Variants in SLC12A7 observed in about 807,000 individuals in gnomAD.
The protein encoded by SLC12A7 is K-Cl cotransporter 4.
In SLC12A7, 100 loss-of-function variants were observed where a neutral mutation model predicts 120.6. The observed-to-expected ratio is 0.83, with a 90% CI of 0.71 to 0.98. The LOEUF is 0.98. Ranked by LOEUF, SLC12A7 falls within the 50% of genes least tolerant of loss-of-function variation. The pLI is 0.00. For synonymous variants in SLC12A7, 760 were observed against 678.0 expected, an observed-to-expected ratio of 1.12 and a Z score of -1.88; for missense variants, 1,373 against 1,548.1, an observed-to-expected ratio of 0.89 and a Z score of 1.90.
At chr5:1,110,731 CT>C (rs920228430) in intron 1 of SLC12A7, among the ~76,000 whole-genome samples, 8 of 152,256 alleles carry the variant, frequency 5.3e-5, no homozygotes, top group African/African-American at 1.7e-4. Context: ...AGCACTTCAC[CT>C]GGTGTTGAGC....
chr5:1,083,419 T>C (rs4999131), intron 8 of SLC12A7, among the ~76,000 whole-genome samples: 83,736 of 152,114 alleles, frequency 0.55, 23,275 homozygotes, highest in East Asian at 0.69. Context: ...GAGGGGGAAG[T>C]TACCGCCCAG....
At chr5:1,128,846 A>T in the SLC12A7 span, among the ~76,000 whole-genome samples, 1 of 152,236 alleles carries the variant, frequency 6.6e-6, no homozygotes, top group South Asian at 2.1e-4. Flanking sequence ...TTGCATACAC[A>T]CATATGTGCA....
chr5:1,136,606 GAC>G, the SLC12A7 span, among the ~76,000 whole-genome samples: 1 of 124,692 alleles, frequency 8.0e-6, no homozygotes, highest in East Asian at 2.5e-4. Context: ...AGGACACGCA[GAC>G]ACACGTGTGC....
Position 1,076,226 on chromosome 5 carries a change from T to C in SLC12A7, c.1759A>G (p.Met587Val), listed in dbSNP as rs753036861. ...VAPILSMFFLMCYLFVNLACA... is the reference protein window; with the variant it reads ...VAPILSMFFLVCYLFVNLACA... ...GCCAGGTTCACGAACAGGTAGCACATGAGGAAGAACCTGCAGGGACGGCCG... is the reference window on the plus strand; with the variant it reads ...GCCAGGTTCACGAACAGGTAGCACACGAGGAAGAACCTGCAGGGACGGCCG... Residue 587 changes from methionine (M) to valine (V), a missense_variant, in exon 14 of 24, where the codon ATG becomes GTG. By Grantham distance (21) the Met-to-Val change is conservative (BLOSUM62 1). Transcript: ENST00000264930. 6 of 1,610,578 alleles carry C rather than the reference T, an allele frequency of 3.7e-6. No homozygotes were observed. Among genetic ancestry groups the C allele is most frequent in the Non-Finnish European group, 1.7e-6 (2 of 1,178,978 alleles).
In SLC12A7 at chr5:1,075,388, C is replaced by T; in HGVS notation, c.1950G>A (p.Lys650=). ...SAMLIAGCIY[K]YIEYRGAEKE... The stretch of plus-strand genomic sequence containing the variant: ...GCGCTTACCCGCGGTACTCGATGTA[C>T]TTGTAGATGCAGCCAGCGATGAGCA... The change falls in exon 15 of 24, where the codon AAG becomes AAA. Residue 650 remains lysine (K), a synonymous_variant. Coordinates refer to ENST00000264930, the MANE Select transcript of SLC12A7 (RefSeq NM_006598.3). The T allele has an allele frequency of 1.2e-6, 2 of 1,612,046 alleles. No homozygotes were observed. Among genetic ancestry groups the T allele is most frequent in the South Asian group, 2.2e-5 (2 of 91,070 alleles).
At chr5:1,053,966 C>G (rs1211576517) in intron 22 of SLC12A7, among the ~76,000 whole-genome samples, 1 of 152,226 alleles carries the variant, frequency 6.6e-6, no homozygotes, top group Non-Finnish European at 1.5e-5. Context: ...GCCTCCTCTC[C>G]GAGGGTCCTG....
intron 9 of SLC12A7, among the ~76,000 whole-genome samples, chr5:1,081,009 CAGACAGACA>C (rs202224049): frequency 1.6e-5 from 1 of 62,552 alleles, no homozygotes; most frequent in Non-Finnish European, 4.8e-5. Context: ...GAGAGAGAGA[CAGACAGACA>C]GACAGAGAGA....
chr5:1,073,558 A>T lies in SLC12A7; in HGVS notation c.2241+75T>A, dbSNP rs1165709730. 3 of 1,456,212 alleles carry T rather than the reference A, an allele frequency of 2.1e-6. No individual in the cohort carries two copies. The African/African-American group carries it at 4.3e-5, about 21-fold the overall frequency. 90.2% of individuals were successfully genotyped at this position (1,456,212 alleles called of 1,614,324 possible). A position where few individuals can be genotyped will look rare whatever the true frequency, so the allele number is the denominator to read the frequency against. On this transcript the variant is annotated intron_variant, in intron 17 of 23. Coordinates refer to ENST00000264930, the MANE Select transcript of SLC12A7 (RefSeq NM_006598.3). Reference sequence around the variant, plus strand: ...AGCACCGTGTTGACACGCTGCGATGAGGACATGCCAGGGCACGTTTCCTGT... The same window carrying T: ...AGCACCGTGTTGACACGCTGCGATGTGGACATGCCAGGGCACGTTTCCTGT...
chr5:1,110,566 C>T (rs1032937519), intron 1 of SLC12A7, among the ~76,000 whole-genome samples: 1 of 152,254 alleles, frequency 6.6e-6, no homozygotes, highest in Non-Finnish European at 1.5e-5. Flanking sequence ...AAGGGGCCGG[C>T]CAGACAAGAA....
intron 21 of SLC12A7, among the ~76,000 whole-genome samples, chr5:1,059,213 G>A (rs1329320647): frequency 2.6e-5 from 4 of 152,218 alleles, no homozygotes; most frequent in Non-Finnish European, 4.4e-5. Flanking sequence ...GCGGCCCCCC[G>A]TGTCCTGCAT....
At position 1,085,123 on chromosome 5, in the gene SLC12A7, C is replaced by A. The variant is rs148071405; in HGVS notation, c.917+109G>T. On this transcript the variant is annotated intron_variant, in intron 7 of 23. Transcript: ENST00000264930. Reference sequence around the variant, plus strand: ...CCCGCCACGGTCACACCCAGCCCACCCCTTGCGGGGAGCTCGGCGTCAAGG... The same window carrying A: ...CCCGCCACGGTCACACCCAGCCCACACCTTGCGGGGAGCTCGGCGTCAAGG... The A allele has an allele frequency of 2.1e-6, 3 of 1,459,682 alleles. No individual in the cohort carries two copies. The Admixed American group carries it at 6.3e-5, about 31-fold the overall frequency. The allele number at this position is 1,459,682 out of a possible 1,614,324, so 90.4% of individuals were successfully genotyped here. A position where few individuals can be genotyped will look rare whatever the true frequency, so the allele number is the denominator to read the frequency against.
At chr5:1,096,933 G>A (rs888279310) in intron 1 of SLC12A7, among the ~76,000 whole-genome samples, 3 of 151,140 alleles carry the variant, frequency 2.0e-5, no homozygotes, top group Middle Eastern at 3.2e-3. Context: ...AGGGAGGGAG[G>A]GAGAGACCCG....
At chr5:1,057,730 G>T in intron 21 of SLC12A7, 81 bp from the exon 22 acceptor site, 2 of 1,375,972 alleles carry the variant, frequency 1.5e-6, no homozygotes, top group Non-Finnish European at 2.0e-6. Flanking sequence ...CAGGCCGGAG[G>T]TGAGGGCAGC....
rs761960566 is a variant in SLC12A7, at chr5:1,074,707, T to C, written c.1968-36A>G. 24 of 1,587,592 alleles carry C rather than the reference T, an allele frequency of 1.5e-5. No individual in the cohort carries two copies. In the East Asian group the frequency reaches 5.4e-4, roughly 36 times the overall value. Reference sequence around the variant, plus strand: ...GGAAGTCGGGGTTTGTCCAGCCGCGTACCTGGAGGCTCCTCTCCCACCTGG... The same window carrying C: ...GGAAGTCGGGGTTTGTCCAGCCGCGCACCTGGAGGCTCCTCTCCCACCTGG... On this transcript the variant is annotated intron_variant, in intron 15 of 23. Coordinates refer to ENST00000264930, the MANE Select transcript of SLC12A7 (RefSeq NM_006598.3).
intron 4 of SLC12A7, among the ~76,000 whole-genome samples, 164 bp downstream of exon 4, chr5:1,088,818 G>A (rs894835651): frequency 4.6e-5 from 7 of 152,208 alleles, no homozygotes; most frequent in Non-Finnish European, 8.8e-5. Flanking sequence ...AGGAGACGGC[G>A]CTGAACGACG....
intron 9 of SLC12A7, among the ~76,000 whole-genome samples, chr5:1,080,030 C>G (rs7714836): frequency 0.98 from 149,648 of 152,354 alleles, 73,547 homozygotes; most frequent in East Asian, 1. Context: ...GGGGCCACTT[C>G]ACGCCTGGCT....
chr5:1,111,845 C>A, intron 1 of SLC12A7, 23 bp downstream of exon 1: 1 of 1,202,842 alleles, frequency 8.3e-7, no homozygotes. Context: ...GGCCTTTGTC[C>A]GGCCAGGTGC....
the SLC12A7 span, among the ~76,000 whole-genome samples, chr5:1,120,446 C>T: frequency 1.3e-5 from 2 of 152,214 alleles, no homozygotes; most frequent in Non-Finnish European, 2.9e-5. Context: ...GGGGGACGCG[C>T]GCCGTCGGCA....
In SLC12A7 at chr5:1,053,499, CACGGTCA is replaced by C. The variant is rs1408909903; in HGVS notation, c.3027-24_3027-18del. 4 of 1,611,496 alleles carry C rather than the reference CACGGTCA, an allele frequency of 2.5e-6. No homozygotes were observed. The highest frequency in any genetic ancestry group is 1.7e-5 in the Admixed American group (1 of 59,742). ...GACTGGTCCCTGCAGGGGAGGTGGGCACGGTCAGCGGGCGGCGGGTGCACCCCACGCT... is the reference window on the plus strand; with the variant it reads ...GACTGGTCCCTGCAGGGGAGGTGGGCGCGGGCGGCGGGTGCACCCCACGCT... On this transcript the variant is annotated intron_variant, in intron 22 of 23. Transcript: ENST00000264930.
Sources: allele counts gnomAD v4.1 joint callset (sites outside exome capture counted in the v4.1 genomes callset), GRCh38; gene constraint gnomAD v4.1.1; transcripts MANE v1.5; gene names NCBI Gene and HGNC (gene_info 2026-07-23, HGNC 2026-07-21).